Variants in STARD13 observed in about 807,000 individuals in gnomAD.
The protein encoded by STARD13 is StAR related lipid transfer domain containing 13, also known as stAR-related lipid transfer protein 13.
In STARD13, 62 loss-of-function variants were observed where a neutral mutation model predicts 106.4. The ratio of observed to expected loss-of-function variants is 0.58; its 90% CI spans 0.48 to 0.72. STARD13 has a LOEUF of 0.72. STARD13 is among the 30% of genes least tolerant of loss of function. STARD13 has a pLI of 0.00. For missense variants in STARD13, 1,387 were observed against 1,424.0 expected (o/e 0.97, Z 0.42); for synonymous variants, 565 against 553.0 (o/e 1.02, Z -0.31).
the STARD13 span, among the ~76,000 whole-genome samples, chr13:33,490,089 T>G: frequency 2.7e-4 from 41 of 152,272 alleles, no homozygotes; most frequent in East Asian, 7.5e-3. Flanking sequence ...TAACAGAATT[T>G]TATCTGATAC....
intron 8 of STARD13, among the ~76,000 whole-genome samples, chr13:33,115,799 CTCT>C (rs1292885046): frequency 6.6e-6 from 1 of 152,168 alleles, no homozygotes; most frequent in Non-Finnish European, 1.5e-5. Flanking sequence ...CGTGGTCACT[CTCT>C]TCTTGTCTTG....
chr13:33,568,677 G>A, the STARD13 span, among the ~76,000 whole-genome samples: 1 of 147,632 alleles, frequency 6.8e-6, no homozygotes, highest in Admixed American at 7.0e-5. Flanking sequence ...GGTTATAAAC[G>A]GGATTAAACA....
At chr13:33,520,342 C>T in the STARD13 span, among the ~76,000 whole-genome samples, 1 of 152,066 alleles carries the variant, frequency 6.6e-6, no homozygotes, top group Non-Finnish European at 1.5e-5. Context: ...ACCCACACAA[C>T]TGGGCTGTGT....
chr13:33,534,271 A>G, the STARD13 span, among the ~76,000 whole-genome samples: 17 of 152,222 alleles, frequency 1.1e-4, no homozygotes, highest in Admixed American at 2.6e-4. Flanking sequence ...ATTTTGAGTT[A>G]TCAGACTTTT....
chr13:33,617,050 C>A, the STARD13 span, among the ~76,000 whole-genome samples: 1 of 152,162 alleles, frequency 6.6e-6, no homozygotes, highest in African/African-American at 2.4e-5. Flanking sequence ...GTGCCATTAG[C>A]GTGGTTTAAA....
intron 5 of STARD13, among the ~76,000 whole-genome samples, chr13:33,128,460 T>C (rs1413902924): frequency 2.6e-5 from 4 of 152,180 alleles, no homozygotes; most frequent in African/African-American, 9.7e-5. Flanking sequence ...TACTTTGTAA[T>C]TGGCACTTTA....
the STARD13 span, among the ~76,000 whole-genome samples, chr13:33,650,989 G>GT: frequency 2.6e-5 from 4 of 152,168 alleles, no homozygotes; most frequent in Admixed American, 1.3e-4. Context: ...ATAAATTTCT[G>GT]TTTTTTCTAA....
At chr13:33,276,137 A>T (rs1165861013) in intron 1 of STARD13, 1 of 152,230 alleles carries the variant, frequency 6.6e-6, no homozygotes, top group Non-Finnish European at 1.5e-5. Flanking sequence ...AACTAAAAGT[A>T]CAGCAAGTGG....
At chr13:33,187,872 C>T (rs1394687977) in intron 1 of STARD13, among the ~76,000 whole-genome samples, 1 of 152,062 alleles carries the variant, frequency 6.6e-6, no homozygotes, top group Non-Finnish European at 1.5e-5. Flanking sequence ...TTAGTAGAGA[C>T]AGGGTTTTGC....
the STARD13 span, among the ~76,000 whole-genome samples, chr13:33,631,403 T>G: frequency 6.6e-6 from 1 of 152,236 alleles, no homozygotes; most frequent in Non-Finnish European, 1.5e-5. Context: ...AAGAGTATGA[T>G]TTCCATTTTC....
the STARD13 span, among the ~76,000 whole-genome samples, chr13:33,644,939 A>G: frequency 6.6e-6 from 1 of 152,218 alleles, no homozygotes; most frequent in Non-Finnish European, 1.5e-5. Context: ...CAGAAATAGT[A>G]AGCTAAAACA....
chr13:33,609,383 G>A, the STARD13 span, among the ~76,000 whole-genome samples: 1 of 152,054 alleles, frequency 6.6e-6, no homozygotes, highest in Non-Finnish European at 1.5e-5. Context: ...CAAGCGGCCA[G>A]GTACCACTTG....
Position 33,129,537 on chromosome 13 carries a change from G to T in STARD13, c.1140C>A (p.Asp380Glu), listed in dbSNP as rs748284907. The part of the protein sequence containing the change: ...LAGTALPDAG[D>E]QSRMHEFHSQ... ...AGTGAAATTCATGCATACGGCTTTGGTCCCCTGCATCCGGCAGTGCTGTCC... is the reference window on the plus strand; with the variant it reads ...AGTGAAATTCATGCATACGGCTTTGTTCCCCTGCATCCGGCAGTGCTGTCC... Residue 380 changes from aspartate (D) to glutamate (E), a missense_variant, in exon 5 of 14, where the codon GAC (aspartate) becomes GAA (glutamate). Transcript: ENST00000336934. 1 of 1,614,150 alleles carries T rather than the reference G, an allele frequency of 6.2e-7. No homozygotes were observed. The highest frequency in any genetic ancestry group is 1.1e-5 in the South Asian group (1 of 91,080).
rs1173342329 is a variant in STARD13 at position 33,163,603 on chromosome 13, A to ATATATATATATATATAT, written c.323+1733_323+1734insATATATATATATATATA. Among the ~76,000 whole-genome samples, 7 of 126,752 alleles carry ATATATATATATATATAT rather than the reference A, an allele frequency of 5.5e-5. No individual in the cohort carries two copies. The South Asian group carries it at 9.3e-4, about 17-fold the overall frequency. The allele number at this position is 126,752 out of a possible 152,430, so 83.2% of individuals were successfully genotyped here. A position where few individuals can be genotyped will look rare whatever the true frequency, so the allele number is the denominator to read the frequency against. On this transcript the variant is annotated intron_variant, in intron 3 of 13. Transcript: ENST00000336934. Reference sequence around the variant, plus strand: ...AGACTCTGTCTCAAAAAAAAAAAAAAAAATATATATATATATATATAAAAC... The same window carrying ATATATATATATATATAT: ...AGACTCTGTCTCAAAAAAAAAAAAAATATATATATATATATATAAATATATATATATATATATAAAAC...
At chr13:33,260,317 T>C (rs1381823396) in intron 1 of STARD13, among the ~76,000 whole-genome samples, 1 of 152,234 alleles carries the variant, frequency 6.6e-6, no homozygotes, top group East Asian at 1.9e-4. Context: ...TTATTTGCAA[T>C]GAAAGAGAAA....
chr13:33,234,717 C>T (rs954122694), intron 1 of STARD13, among the ~76,000 whole-genome samples: 2 of 152,142 alleles, frequency 1.3e-5, no homozygotes, highest in African/African-American at 2.4e-5. Context: ...ATATCAGTTT[C>T]CTGTGTGTAA....
chr13:33,489,339 A>G, the STARD13 span, among the ~76,000 whole-genome samples: 2 of 152,198 alleles, frequency 1.3e-5, no homozygotes, highest in Non-Finnish European at 2.9e-5. Flanking sequence ...GCAACTCACT[A>G]TAGTAAAGCC....
chr13:33,611,508 C>G, the STARD13 span: 1 of 152,242 alleles, frequency 6.6e-6, no homozygotes, highest in South Asian at 2.1e-4. Flanking sequence ...TTTGAATAAA[C>G]CGTAAATACC....
chr13:33,385,239 A>ATG, the STARD13 span, among the ~76,000 whole-genome samples: 3 of 124,682 alleles, frequency 2.4e-5, no homozygotes, highest in Admixed American at 7.8e-5. Context: ...ATATATATAT[A>ATG]TATATATATA....
Sources: allele counts gnomAD v4.1 joint callset (sites outside exome capture counted in the v4.1 genomes callset), GRCh38; gene constraint gnomAD v4.1.1; transcripts MANE v1.5; gene names NCBI Gene and HGNC (gene_info 2026-07-23, HGNC 2026-07-21).